Variants in LOC728743 observed in about 807,000 individuals in gnomAD.
At chr7:150,408,423 G>A in the LOC728743 span, 1 of 352,638 alleles carries the variant, frequency 2.8e-6, no homozygotes, top group Admixed American at 4.7e-5. Flanking sequence ...CCTCTGGCTG[G>A]CTGCGCACAG....
the LOC728743 span, among the ~76,000 whole-genome samples, chr7:150,404,163 A>G: frequency 3.3e-5 from 5 of 152,218 alleles, no homozygotes; most frequent in Non-Finnish European, 7.3e-5. Flanking sequence ...CCTGGCAGCT[A>G]CAGAGAGGCC....
chr7:150,404,045 G>A, the LOC728743 span, among the ~76,000 whole-genome samples: 2 of 152,156 alleles, frequency 1.3e-5, no homozygotes, highest in African/African-American at 2.4e-5. Context: ...CGGGAGGCCC[G>A]CATCTCTCAA....
At chr7:150,403,470 A>G in the LOC728743 span, among the ~76,000 whole-genome samples, 4 of 152,232 alleles carry the variant, frequency 2.6e-5, no homozygotes, top group African/African-American at 7.2e-5. This position sits in a 1 kb window ranked among gnomAD's most constrained non-coding sequence, Gnocchi z 5.1. Flanking sequence ...TTTGAAAAAC[A>G]TGGTGTTCAC....
the LOC728743 span, chr7:150,405,062 CG>C: frequency 6.6e-6 from 1 of 152,278 alleles, no homozygotes. Flanking sequence ...CAGGGAATCC[CG>C]AAAGGGGGAA....
chr7:150,400,910 C>A, the LOC728743 span: 1 of 152,356 alleles, frequency 6.6e-6, no homozygotes, highest in East Asian at 1.9e-4. Context: ...GCCAAGGGAA[C>A]AGAAAACAGC....
At chr7:150,407,883 C>A in the LOC728743 span, 2 of 422,926 alleles carry the variant, frequency 4.7e-6, no homozygotes, top group South Asian at 9.2e-5. Context: ...CGCACGCACA[C>A]CGGGGAGCGG....
the LOC728743 span, chr7:150,407,638 CGG>C: frequency 2.5e-6 from 1 of 398,868 alleles, no homozygotes; most frequent in African/African-American, 2.1e-5. Flanking sequence ...CCTCCGGGGG[CGG>C]GTCCCCTGCG....
the LOC728743 span, chr7:150,407,768 G>T: frequency 2.5e-6 from 1 of 400,988 alleles, no homozygotes; most frequent in Admixed American, 4.4e-5. Flanking sequence ...GCCCAGCCTG[G>T]TGCGGCACCA....
At chr7:150,410,144 T>C in the LOC728743 span, 1 of 398,570 alleles carries the variant, frequency 2.5e-6, no homozygotes, top group East Asian at 3.6e-5. Flanking sequence ...CCTGATCTCT[T>C]TGTTTCTGTC....
At chr7:150,409,484 A>T in the LOC728743 span, among the ~76,000 whole-genome samples, 1 of 152,246 alleles carries the variant, frequency 6.6e-6, no homozygotes, top group African/African-American at 2.4e-5. Flanking sequence ...GGGCCTCTTC[A>T]GCCTTTTGGC....
At chr7:150,401,450 G>A in the LOC728743 span, among the ~76,000 whole-genome samples, 1 of 152,226 alleles carries the variant, frequency 6.6e-6, no homozygotes, top group African/African-American at 2.4e-5. Flanking sequence ...GGGAGTGGGG[G>A]ATGTGAAACC....
At chr7:150,407,494 T>G in the LOC728743 span, 1 of 397,716 alleles carries the variant, frequency 2.5e-6, no homozygotes, top group Non-Finnish European at 4.4e-6. Context: ...GAGGTGAGTG[T>G]CCCTGCCAGG....
chr7:150,408,742 T>A, the LOC728743 span, among the ~76,000 whole-genome samples: 1 of 152,254 alleles, frequency 6.6e-6, no homozygotes, highest in South Asian at 2.1e-4. Context: ...CTCTCTGCTG[T>A]CCTTGAGATG....
chr7:150,408,390 C>T, the LOC728743 span: 13 of 361,396 alleles, frequency 3.6e-5, no homozygotes, highest in Admixed American at 9.3e-5. Flanking sequence ...TCCGGCCGCC[C>T]GCTCGCGTTC....
the LOC728743 span, among the ~76,000 whole-genome samples, chr7:150,401,772 T>C: frequency 6.6e-6 from 1 of 152,238 alleles, no homozygotes; most frequent in African/African-American, 2.4e-5. Flanking sequence ...TAGCCACATA[T>C]GGCTATTGAG....
chr7:150,406,623 C>T, the LOC728743 span, among the ~76,000 whole-genome samples: 1 of 152,308 alleles, frequency 6.6e-6, no homozygotes, highest in Admixed American at 6.5e-5. Context: ...GCTCAATAAC[C>T]CTGCTCCGCC....
At chr7:150,412,464 A>C in the LOC728743 span, 6 of 152,276 alleles carry the variant, frequency 3.9e-5, no homozygotes, top group African/African-American at 1.2e-4. Context: ...ATGTTCTCTC[A>C]ACATCAGCTT....
chr7:150,409,841 C>T, the LOC728743 span, among the ~76,000 whole-genome samples: 1 of 152,114 alleles, frequency 6.6e-6, no homozygotes, highest in African/African-American at 2.4e-5. Flanking sequence ...TGCTATGTGG[C>T]TATGGCTCCT....
At chr7:150,402,444 C>T in the LOC728743 span, among the ~76,000 whole-genome samples, 1 of 152,246 alleles carries the variant, frequency 6.6e-6, no homozygotes, top group African/African-American at 2.4e-5. Context: ...CCTTGGGGGC[C>T]ATCTTTTCTC....
Sources: gnomAD v4.1 joint callset for allele counts (sites outside exome capture counted in the v4.1 genomes callset) on GRCh38, gnomAD v4.1.1 for gene constraint, Gnocchi (gnomAD v3.1) non-coding constraint, MANE v1.5 for transcripts.